Variants in TSHZ2 observed in about 807,000 individuals in gnomAD.
TSHZ2 encodes the protein teashirt homolog 2.
A neutral mutation model predicts 74.4 loss-of-function variants in TSHZ2; 21 were observed. The observed-to-expected ratio is 0.28, with a 90% CI of 0.20 to 0.41. The LOEUF is 0.41. Among genes scored for constraint, TSHZ2 ranks in the 10% least tolerant of loss-of-function variants. The probability of loss-of-function intolerance (pLI) is 1.00; values close to 1 mark genes in which losing one functional copy is unlikely to be tolerated. For missense variants in TSHZ2, 1,244 were observed against 1,293.5 expected (o/e 0.96, Z 0.59); for synonymous variants, 540 against 515.3 (o/e 1.05, Z -0.65).
rs1366377524 is a variant in TSHZ2, at chr20:53,490,378, C to A, written c.*3243C>A. The A allele has an allele frequency of 6.6e-6, 1 of 152,248 alleles. No homozygotes were observed. The highest frequency in any genetic ancestry group is 1.5e-5 in the Non-Finnish European group (1 of 68,054). The allele number at this position is 152,248 out of a possible 1,614,324, so 9.4% of individuals were successfully genotyped here. ...TGTGGGATAACAACAGCAAACACTT[C>A]ACACAACAGCCTGGCCTTCCTGTGT... On this transcript the variant is annotated 3_prime_UTR_variant, in exon 3 of 3. Coordinates refer to ENST00000371497, the MANE Select transcript of TSHZ2 (RefSeq NM_173485.6).
intron 2 of TSHZ2, among the ~76,000 whole-genome samples, chr20:53,445,390 C>T (rs957834346): frequency 6.6e-6 from 1 of 152,260 alleles, no homozygotes; most frequent in Non-Finnish European, 1.5e-5. Flanking sequence ...CAATCACTAA[C>T]GAATCTTAAC....
rs1448403299 is a variant in TSHZ2 at position 53,254,295 on chromosome 20, T to C, written c.837T>C (p.Phe279=). The change falls in exon 2 of 3, where the codon TTT becomes TTC. Residue 279 remains phenylalanine (F), a synonymous_variant. Transcript: ENST00000371497. ...CTCAAAAGGTTCTGAAATGTATGTTTTGTGGCGACTCCTTTGATTCCCTCC... is the reference window on the plus strand; with the variant it reads ...CTCAAAAGGTTCTGAAATGTATGTTCTGTGGCGACTCCTTTGATTCCCTCC... ...EDAQKVLKCM[F]CGDSFDSLQD... 1 of 1,614,044 alleles carries C rather than the reference T, an allele frequency of 6.2e-7. No individual in the cohort carries two copies. The highest frequency in any genetic ancestry group is 1.3e-5 in the African/African-American group (1 of 74,920).
intron 2 of TSHZ2, among the ~76,000 whole-genome samples, chr20:53,363,403 C>G (rs1981139214): frequency 6.6e-6 from 1 of 152,168 alleles, no homozygotes; most frequent in African/African-American, 2.4e-5. Flanking sequence ...GCTCCAGACA[C>G]CGTCAAGATT....
chr20:53,365,974 G>A (rs566114599), intron 2 of TSHZ2, among the ~76,000 whole-genome samples: 1 of 152,320 alleles, frequency 6.6e-6, no homozygotes, highest in South Asian at 2.1e-4. Context: ...CAACCTTGGA[G>A]ATTGTTTAGG....
chr20:53,390,288 C>G (rs376124113), intron 2 of TSHZ2, among the ~76,000 whole-genome samples: 15 of 152,106 alleles, frequency 9.9e-5, no homozygotes, highest in African/African-American at 3.6e-4. Flanking sequence ...TTGGATGTCT[C>G]GCAGGGCCAG....
intron 2 of TSHZ2, among the ~76,000 whole-genome samples, chr20:53,443,960 T>TCAA (rs1338251127): frequency 6.6e-6 from 1 of 152,048 alleles, no homozygotes; most frequent in Non-Finnish European, 1.5e-5. Context: ...CAAGGCACCA[T>TCAA]CAACACTGAA....
chr20:53,306,581 G>A (rs964329553), intron 2 of TSHZ2, among the ~76,000 whole-genome samples: 1 of 151,976 alleles, frequency 6.6e-6, no homozygotes, highest in Non-Finnish European at 1.5e-5. Context: ...ATGAAACCTC[G>A]CGGAGGAAAA....
intron 2 of TSHZ2, among the ~76,000 whole-genome samples, chr20:53,458,467 T>G (rs573412255): frequency 6.6e-6 from 1 of 152,296 alleles, no homozygotes; most frequent in East Asian, 1.9e-4. Flanking sequence ...TTTATTAGTC[T>G]TGCTAGCAGT....
intron 1 of TSHZ2, among the ~76,000 whole-genome samples, chr20:53,019,435 C>T (rs1983155464): frequency 6.6e-6 from 1 of 152,072 alleles, no homozygotes; most frequent in Non-Finnish European, 1.5e-5. Context: ...TGGGACAAGG[C>T]TCAAACTTCT....
intron 2 of TSHZ2, among the ~76,000 whole-genome samples, chr20:53,261,842 A>G (rs530886416): frequency 2.0e-5 from 3 of 152,294 alleles, no homozygotes; most frequent in African/African-American, 7.2e-5. Context: ...TTTTATATGG[A>G]TTTATGTCTT....
intron 1 of TSHZ2, among the ~76,000 whole-genome samples, chr20:53,243,339 T>A (rs1392606981): frequency 6.6e-6 from 1 of 152,186 alleles, no homozygotes; most frequent in East Asian, 1.9e-4. Context: ...TTGCACTCTA[T>A]GAGTCATCAC....
chr20:53,159,809 T>C (rs920474073), intron 1 of TSHZ2, among the ~76,000 whole-genome samples: 10 of 152,268 alleles, frequency 6.6e-5, no homozygotes, highest in Admixed American at 6.5e-4. Flanking sequence ...ATTTATTTAA[T>C]GTCTATACCA....
chr20:53,262,845 A>G (rs1990630342), intron 2 of TSHZ2, among the ~76,000 whole-genome samples: 2 of 152,088 alleles, frequency 1.3e-5, no homozygotes, highest in South Asian at 4.1e-4. Context: ...TCCAGTGTAA[A>G]TGTTATGTGA....
intron 2 of TSHZ2, among the ~76,000 whole-genome samples, chr20:53,414,705 C>G (rs1983175913): frequency 6.6e-6 from 1 of 152,144 alleles, no homozygotes; most frequent in Non-Finnish European, 1.5e-5. Context: ...CAAGCCAGGA[C>G]TATTCTCAGT....
rs545349857 is a variant in TSHZ2 at position 53,300,712 on chromosome 20, A to G, written c.*8+44141A>G. On this transcript the variant is annotated intron_variant, in intron 2 of 2. Coordinates refer to ENST00000371497, the MANE Select transcript of TSHZ2 (RefSeq NM_173485.6). ...TCAGCCCAACACATCAGTCAACATCACTAAGTGGTCAAACACTCCAGTTTC... is the reference window on the plus strand; with the variant it reads ...TCAGCCCAACACATCAGTCAACATCGCTAAGTGGTCAAACACTCCAGTTTC... Among the ~76,000 whole-genome samples, 5 of 152,300 alleles carry G rather than the reference A, an allele frequency of 3.3e-5. No homozygotes were observed. In the East Asian group the frequency reaches 9.7e-4, roughly 29 times the overall value.
intron 1 of TSHZ2, among the ~76,000 whole-genome samples, chr20:53,036,499 A>G (rs1450796412): frequency 6.6e-6 from 1 of 151,308 alleles, no homozygotes; most frequent in Non-Finnish European, 1.5e-5. Flanking sequence ...ATACACACAT[A>G]TATAAACACA....
At chr20:53,129,445 G>C (rs984683099) in intron 1 of TSHZ2, among the ~76,000 whole-genome samples, 4 of 152,062 alleles carry the variant, frequency 2.6e-5, no homozygotes, top group African/African-American at 9.7e-5. Context: ...ATATTAAGTA[G>C]GAGGAACAAA....
chr20:53,169,505 A>T (rs959859160), intron 1 of TSHZ2, among the ~76,000 whole-genome samples: 2 of 152,206 alleles, frequency 1.3e-5, no homozygotes, highest in Non-Finnish European at 2.9e-5. Flanking sequence ...ATGTTTTATT[A>T]TCTACCTAAA....
chr20:53,362,253 C>T (rs1459729177), intron 2 of TSHZ2, among the ~76,000 whole-genome samples: 2 of 150,884 alleles, frequency 1.3e-5, no homozygotes, highest in Non-Finnish European at 2.9e-5. Context: ...GGCAGGATCT[C>T]GGCTCACTGC....
Sources: gnomAD v4.1 joint callset for allele counts (sites outside exome capture counted in the v4.1 genomes callset) on GRCh38, gnomAD v4.1.1 for gene constraint, MANE v1.5 for transcripts, NCBI Gene and HGNC (gene_info 2026-07-23, HGNC 2026-07-21) for gene names.